Variants in IL1RAPL2 observed in about 807,000 individuals in gnomAD.
The protein encoded by IL1RAPL2 is interleukin 1 receptor accessory protein like 2.
IL1RAPL2 carries 3 observed loss-of-function variants against 44.1 expected under a neutral mutation model. That is an observed-to-expected ratio of 0.07 (90% CI 0.03 to 0.18). The LOEUF (loss-of-function observed/expected upper bound fraction) is 0.18, where lower values mean the gene tolerates loss of function less well. Among genes scored for constraint, IL1RAPL2 ranks in the 10% least tolerant of loss-of-function variants. IL1RAPL2 has a pLI of 1.00. For synonymous variants in IL1RAPL2, 181 were observed against 178.8 expected (o/e 1.01, Z -0.10); for missense variants, 391 against 496.4 (o/e 0.79, Z 2.02).
At chrX:105,725,710 G>T (rs1303833207) in intron 7 of IL1RAPL2, among the ~76,000 whole-genome samples, 1 of 111,530 alleles carries the variant, frequency 9.0e-6, no homozygotes, top group African/African-American at 3.3e-5. Context: ...ATGTATTTTG[G>T]CAACTTCTCA....
chrX:105,328,691 A>G (rs976827197), intron 5 of IL1RAPL2, among the ~76,000 whole-genome samples: 1 of 111,966 alleles, frequency 8.9e-6, no homozygotes, highest in Non-Finnish European at 1.9e-5. Context: ...AACATTTTGG[A>G]CAAGGATGGA....
At chrX:104,955,525 C>CATATATATATTATACTCAT (rs1412866083) in intron 2 of IL1RAPL2, among the ~76,000 whole-genome samples, 2 of 106,167 alleles carry the variant, frequency 1.9e-5, no homozygotes, top group Non-Finnish European at 3.8e-5. Context: ...ATTATACTCC[C>CATATATATATTATACTCAT]ATATATATAT....
At chrX:105,451,158 T>C (rs1263462612) in intron 5 of IL1RAPL2, among the ~76,000 whole-genome samples, 3 of 111,742 alleles carry the variant, frequency 2.7e-5, no homozygotes, top group African/African-American at 9.8e-5. Context: ...TCAGAACTTC[T>C]AGAGCACTTC....
At chrX:105,194,039 T>C (rs1351478428) in intron 2 of IL1RAPL2, among the ~76,000 whole-genome samples, 3 of 111,550 alleles carry the variant, frequency 2.7e-5, no homozygotes, top group Admixed American at 9.6e-5. Flanking sequence ...AAAAGGGCTA[T>C]GGAAAATTTC....
intron 4 of IL1RAPL2, among the ~76,000 whole-genome samples, chrX:105,247,368 A>G (rs2034228386): frequency 9.0e-6 from 1 of 110,923 alleles, no homozygotes. Flanking sequence ...CATCACTGAT[A>G]TAAACAGAAT....
chrX:104,586,653 A>G (rs1928569365), intron 1 of IL1RAPL2, among the ~76,000 whole-genome samples: 2 of 111,791 alleles, frequency 1.8e-5, no homozygotes, highest in Non-Finnish European at 3.8e-5. Flanking sequence ...CACCCACAAG[A>G]ATTTTCTTTG....
intron 6 of IL1RAPL2, among the ~76,000 whole-genome samples, chrX:105,555,011 C>T (rs1481729233): frequency 9.1e-6 from 1 of 110,024 alleles, no homozygotes; most frequent in African/African-American, 3.3e-5. Context: ...ATGATCATAA[C>T]TCAAACATTT....
At chrX:105,630,106 CCAAACTCAAACT>C (rs201214543) in intron 6 of IL1RAPL2, among the ~76,000 whole-genome samples, 120 of 111,396 alleles carry the variant, frequency 1.1e-3, no homozygotes, top group Middle Eastern at 4.6e-3. Context: ...AATAAGCAAT[CCAAACTCAAACT>C]CAAACTCAAA....
intron 2 of IL1RAPL2, among the ~76,000 whole-genome samples, chrX:105,037,251 A>G (rs971579808): frequency 2.7e-5 from 3 of 111,912 alleles, no homozygotes; most frequent in African/African-American, 3.2e-5. Flanking sequence ...TGGTGATATT[A>G]CCTGACAGAA....
intron 2 of IL1RAPL2, among the ~76,000 whole-genome samples, chrX:104,820,737 G>A (rs771414769): frequency 1.3e-4 from 15 of 112,097 alleles, no homozygotes; most frequent in Middle Eastern, 4.6e-3. Flanking sequence ...ATATCTTAGC[G>A]TCTCTGAATT....
chrX:105,121,070 C>A (rs2032920431), intron 2 of IL1RAPL2, among the ~76,000 whole-genome samples: 1 of 111,591 alleles, frequency 9.0e-6, no homozygotes, highest in African/African-American at 3.3e-5. Context: ...TAGCTATGGG[C>A]AGAACTGTAA....
intron 1 of IL1RAPL2, among the ~76,000 whole-genome samples, chrX:104,629,315 A>G (rs903429135): frequency 3.6e-5 from 4 of 111,183 alleles, no homozygotes; most frequent in Non-Finnish European, 7.6e-5. Flanking sequence ...CCTGTTGGCT[A>G]TTTGTATGTC....
chrX:105,115,269 T>C (rs1190692983), intron 2 of IL1RAPL2, among the ~76,000 whole-genome samples: 2 of 111,552 alleles, frequency 1.8e-5, no homozygotes, highest in East Asian at 5.7e-4. Context: ...CAGTGAGCAG[T>C]AGCAAGATTC....
chrX:105,570,503 T>C (rs2147810318), intron 6 of IL1RAPL2, among the ~76,000 whole-genome samples: 1 of 112,283 alleles, frequency 8.9e-6, no homozygotes, highest in Non-Finnish European at 1.9e-5. Flanking sequence ...TCTACTTTTA[T>C]TTATTTAAGG....
chrX:104,949,421 A>C (rs1234108435), intron 2 of IL1RAPL2, among the ~76,000 whole-genome samples: 2 of 107,962 alleles, frequency 1.9e-5, no homozygotes, highest in Non-Finnish European at 3.8e-5. Context: ...TATTTCCTTC[A>C]GTTCTGCTCT....
At chrX:105,345,635 C>A (rs1336629320) in intron 5 of IL1RAPL2, among the ~76,000 whole-genome samples, 3 of 111,008 alleles carry the variant, frequency 2.7e-5, no homozygotes, top group Admixed American at 9.6e-5. Context: ...TTAAACTTTT[C>A]TTGCTCTGAG....
intron 4 of IL1RAPL2, among the ~76,000 whole-genome samples, chrX:105,263,096 G>A (rs780747465): frequency 3.6e-5 from 4 of 110,173 alleles, no homozygotes; most frequent in Middle Eastern, 4.6e-3. Flanking sequence ...TGTTGATCAG[G>A]CTGGTCTCGA....
At chrX:105,496,667 G>A (rs1178603877) in intron 6 of IL1RAPL2, among the ~76,000 whole-genome samples, 3 of 111,991 alleles carry the variant, frequency 2.7e-5, no homozygotes. Context: ...ACACCCACAG[G>A]CAGTTTAATT....
intron 2 of IL1RAPL2, among the ~76,000 whole-genome samples, chrX:104,861,762 C>T (rs763153611): frequency 2.7e-5 from 3 of 111,598 alleles, no homozygotes; most frequent in South Asian, 3.7e-4. Flanking sequence ...CTTGAGATTA[C>T]TTTCAATACC....
Sources: allele counts gnomAD v4.1 joint callset (sites outside exome capture counted in the v4.1 genomes callset), GRCh38; gene constraint gnomAD v4.1.1; transcripts MANE v1.5; gene names NCBI Gene and HGNC (gene_info 2026-07-23, HGNC 2026-07-21).